STXBP4: variants seen among roughly 807,000 people sequenced by gnomAD.
STXBP4 encodes syntaxin-binding protein 4.
STXBP4 carries 55 observed loss-of-function variants against 76.1 expected under a neutral mutation model. The observed-to-expected ratio is 0.72, with a 90% confidence interval of 0.58 to 0.91. The LOEUF (loss-of-function observed/expected upper bound fraction) is 0.91. Among genes scored for constraint, STXBP4 ranks in the 40% least tolerant of loss-of-function variants. The pLI is 0.00. For missense variants in STXBP4, 618 were observed against 636.9 expected, an observed-to-expected ratio of 0.97 and a Z score of 0.32; for synonymous variants, 201 against 220.2, an observed-to-expected ratio of 0.91 and a Z score of 0.77.
intron 16 of STXBP4, among the ~76,000 whole-genome samples, chr17:55,106,260 C>T (rs2079633121): frequency 6.6e-6 from 1 of 150,978 alleles, no homozygotes; most frequent in South Asian, 2.1e-4. Flanking sequence ...TCTGTTTTAT[C>T]AGAGACTAGG....
rs1345036412 is a variant in STXBP4 at position 55,163,173 on chromosome 17, A to G, written c.*3262A>G. ...GTGTATGTGAGCCTTATTTTTATGT[A>G]TGATAGGACTTTTTTTAGTCCAAAT... is the stretch of plus-strand genomic sequence containing the variant. On this transcript the variant is annotated 3_prime_UTR_variant, in exon 18 of 18. Transcript: ENST00000376352. 2 of 150,028 alleles carry G rather than the reference A, an allele frequency of 1.3e-5. No homozygotes were observed. The highest frequency in any genetic ancestry group is 2.5e-5 in the African/African-American group (1 of 40,806). The allele number at this position is 150,028 out of a possible 1,614,324, so 9.3% of individuals were successfully genotyped here. A position where few individuals can be genotyped will look rare whatever the true frequency, so the allele number is the denominator to read the frequency against.
intron 10 of STXBP4, among the ~76,000 whole-genome samples, chr17:55,037,770 C>T (rs1184478732): frequency 6.6e-6 from 1 of 152,130 alleles, no homozygotes; most frequent in Non-Finnish European, 1.5e-5. Flanking sequence ...TTTCTATGTA[C>T]ATTGCATTCT....
intron 11 of STXBP4, among the ~76,000 whole-genome samples, chr17:55,045,362 A>G (rs878961386): frequency 6.6e-6 from 1 of 152,208 alleles, no homozygotes; most frequent in Admixed American, 6.6e-5. Context: ...AAACTTCCCC[A>G]GTGTTGGTTA....
intron 6 of STXBP4, chr17:55,000,403 G>A (rs2077890797): frequency 2.5e-6 from 1 of 402,240 alleles, no homozygotes; most frequent in South Asian, 1.0e-4. Flanking sequence ...AATAAAGTGT[G>A]TATTATTTAT....
At chr17:55,145,634 A>G (rs1385233534) in intron 17 of STXBP4, among the ~76,000 whole-genome samples, 3 of 152,228 alleles carry the variant, frequency 2.0e-5, no homozygotes, top group African/African-American at 7.2e-5. Flanking sequence ...AAGAGAAGAA[A>G]GCATTTTACC....
intron 16 of STXBP4, among the ~76,000 whole-genome samples, chr17:55,099,506 TATAAC>T (rs1459088630): frequency 2.0e-5 from 3 of 152,190 alleles, no homozygotes; most frequent in African/African-American, 7.2e-5. Flanking sequence ...TGTATGCAAT[TATAAC>T]ATAATGCTAA....
chr17:55,172,425 A>T lies in STXBP4; in HGVS notation c.*12514A>T, dbSNP rs918174737. 6.6e-6 allele frequency: 1 copy of T among 152,228 alleles called. No individual in the cohort carries two copies. Among genetic ancestry groups the T allele is most frequent in the Non-Finnish European group, 1.5e-5 (1 of 68,036 alleles). The allele number at this position is 152,228 out of a possible 1,614,324, so 9.4% of individuals were successfully genotyped here. A position where few individuals can be genotyped will look rare whatever the true frequency, so the allele number is the denominator to read the frequency against. On this transcript the variant is annotated 3_prime_UTR_variant, in exon 18 of 18. Coordinates refer to ENST00000376352, the MANE Select transcript of STXBP4 (RefSeq NM_178509.6). ...ATGCAGGTAACTAAAACTTCAGCAG[A>T]TTATGAAAAACAAAAGTTACTTTCT...
At position 55,172,861 on chromosome 17, in the gene STXBP4, A is replaced by T. The variant is rs909180217; in HGVS notation, c.*12950A>T. 1 of 152,224 alleles carries T rather than the reference A, an allele frequency of 6.6e-6. No homozygotes were observed. Among genetic ancestry groups the T allele is most frequent in the Non-Finnish European group, 1.5e-5 (1 of 68,028 alleles). The allele number at this position is 152,224 out of a possible 1,614,324, so 9.4% of individuals were successfully genotyped here. On this transcript the variant is annotated 3_prime_UTR_variant, in exon 18 of 18. Coordinates refer to ENST00000376352, the MANE Select transcript of STXBP4 (RefSeq NM_178509.6). ...GACAGGTAGGTCACCCTGCACCTACACAAGGACTGAGCTGAGTTCTAGTTA... is the reference window on the plus strand; with the variant it reads ...GACAGGTAGGTCACCCTGCACCTACTCAAGGACTGAGCTGAGTTCTAGTTA...
intron 9 of STXBP4, among the ~76,000 whole-genome samples, chr17:55,033,929 A>C (rs1567729353): frequency 6.6e-6 from 1 of 152,230 alleles, no homozygotes; most frequent in African/African-American, 2.4e-5. Flanking sequence ...GGTCCATGAT[A>C]TATATTTGCT....
At chr17:55,200,701 C>T in the STXBP4 span, among the ~76,000 whole-genome samples, 3 of 152,142 alleles carry the variant, frequency 2.0e-5, no homozygotes, top group East Asian at 1.9e-4. Context: ...CTACTCTTTG[C>T]CAAAGTCTGG....
chr17:55,021,524 A>G (rs954711862), intron 8 of STXBP4, among the ~76,000 whole-genome samples: 17 of 152,068 alleles, frequency 1.1e-4, no homozygotes, highest in African/African-American at 4.1e-4. Flanking sequence ...TCTAAAAATA[A>G]TCATAATCAT....
chr17:55,140,403 G>A (rs760985394), intron 16 of STXBP4, among the ~76,000 whole-genome samples: 2 of 152,104 alleles, frequency 1.3e-5, no homozygotes, highest in Non-Finnish European at 2.9e-5. Flanking sequence ...TGTTGTTAAA[G>A]GTCGGTTACT....
the STXBP4 span, among the ~76,000 whole-genome samples, chr17:55,199,836 C>G: frequency 6.6e-6 from 1 of 152,196 alleles, no homozygotes; most frequent in East Asian, 1.9e-4. Flanking sequence ...AGCTGTCCCC[C>G]ATTCTTACCT....
At chr17:55,127,348 G>A (rs1217514151) in intron 16 of STXBP4, among the ~76,000 whole-genome samples, 1 of 152,172 alleles carries the variant, frequency 6.6e-6, no homozygotes, top group African/African-American at 2.4e-5. Flanking sequence ...GTCACCAATT[G>A]ATGGATCTTC....
chr17:54,981,670 A>G (rs1220753782), intron 1 of STXBP4, among the ~76,000 whole-genome samples: 1 of 150,932 alleles, frequency 6.6e-6, no homozygotes, highest in Non-Finnish European at 1.5e-5. Flanking sequence ...TTCTAATTTG[A>G]CCTAAAACCT....
At position 55,043,223 on chromosome 17, in the gene STXBP4, T is replaced by G. The variant is rs1402772285; in HGVS notation, c.856-13T>G. 2 of 1,438,306 alleles carry G rather than the reference T, an allele frequency of 1.4e-6. No homozygotes were observed. Among genetic ancestry groups the G allele is most frequent in the African/African-American group, 2.9e-5 (2 of 68,350 alleles). 89.1% of individuals were successfully genotyped at this position (1,438,306 alleles called of 1,614,324 possible). A position where few individuals can be genotyped will look rare whatever the true frequency, so the allele number is the denominator to read the frequency against. On this transcript the variant is annotated splice_polypyrimidine_tract_variant and intron_variant, in intron 10 of 17. Transcript: ENST00000376352. The stretch of plus-strand genomic sequence containing the variant: ...TAATGCACAACTTTTCTCTTATATT[T>G]TAATGTTGATAGCTTCTTCCTTGTG...
the STXBP4 span, among the ~76,000 whole-genome samples, chr17:55,211,388 C>T: frequency 1.3e-5 from 2 of 152,236 alleles, no homozygotes; most frequent in East Asian, 3.9e-4. Context: ...TACAGCTTAA[C>T]TGCATGAAAT....
chr17:55,107,147 C>G (rs2079645391), intron 16 of STXBP4, among the ~76,000 whole-genome samples: 2 of 152,026 alleles, frequency 1.3e-5, no homozygotes, highest in South Asian at 4.1e-4. Flanking sequence ...TTCATTCTTT[C>G]TTCTCTAATC....
intron 8 of STXBP4, among the ~76,000 whole-genome samples, chr17:55,030,549 C>T (rs936379519): frequency 6.6e-6 from 1 of 152,130 alleles, no homozygotes; most frequent in Non-Finnish European, 1.5e-5. Context: ...GGTTCGGTTA[C>T]TAAGGAGCAA....
Sources: allele counts gnomAD v4.1 joint callset (sites outside exome capture counted in the v4.1 genomes callset), GRCh38; gene constraint gnomAD v4.1.1; transcripts MANE v1.5; gene names NCBI Gene and HGNC (gene_info 2026-07-23, HGNC 2026-07-21).